The following ZBTB46 variants were observed in gnomAD, a reference collection of about 807,000 sequenced individuals.
The protein encoded by ZBTB46 is zinc finger and BTB domain containing 46.
In ZBTB46, 8 loss-of-function variants were observed where a neutral mutation model predicts 44.1. The observed-to-expected ratio is 0.18, with a 90% CI of 0.11 to 0.33. The LOEUF is 0.33. ZBTB46 is among the 10% of genes least tolerant of loss of function. The pLI is 1.00. For synonymous variants in ZBTB46, 409 were observed against 382.3 expected, an observed-to-expected ratio of 1.07 and a Z score of -0.81; for missense variants, 651 against 847.7, an observed-to-expected ratio of 0.77 and a Z score of 2.88.
At chr20:63,818,689 A>G (rs1313270866) in intron 1 of ZBTB46, among the ~76,000 whole-genome samples, 1 of 151,592 alleles carries the variant, frequency 6.6e-6, no homozygotes, top group African/African-American at 2.4e-5. Context: ...CCCCGTGTCT[A>G]TTAAAAAAAA....
intron 1 of ZBTB46, among the ~76,000 whole-genome samples, chr20:63,798,674 C>CAAAAAA (rs71197435): frequency 0.039 from 727 of 18,736 alleles, 194 homozygotes; most frequent in Middle Eastern, 0.17. Flanking sequence ...GACTCTGTCT[C>CAAAAAA]AAAAAAAAAA....
intron 1 of ZBTB46, among the ~76,000 whole-genome samples, chr20:63,823,857 C>T (rs1409460474): frequency 1.4e-5 from 1 of 72,206 alleles, no homozygotes; most frequent in Non-Finnish European, 2.8e-5. Context: ...CTCTAGGAAC[C>T]TTGTGTGTGT....
chr20:63,790,132 T>C lies in ZBTB46; in HGVS notation c.626A>G (p.Asp209Gly), dbSNP rs146183314. The C allele has an allele frequency of 4.8e-5, 78 of 1,614,004 alleles. No homozygotes were observed. The Admixed American group carries it at 6.0e-4, about 12-fold the overall frequency. ...CCATAGAGGCTGTGAAGAAACATCATCAGGGCCATCGGCCTTGGGCTCCTG... is the reference window on the plus strand; with the variant it reads ...CCATAGAGGCTGTGAAGAAACATCACCAGGGCCATCGGCCTTGGGCTCCTG... ...EDQEPKADGP[D>G]DVSSQPLWPG... Residue 209 changes from aspartate (D) to glycine (G), a missense_variant, in exon 2 of 5, where the codon GAT (aspartate) becomes GGT (glycine). Physicochemically the swap from Asp to Gly is moderately conservative, Grantham distance 94 (BLOSUM62 -1). Transcript: ENST00000245663.
chr20:63,758,645 C>T (rs796307220), intron 3 of ZBTB46, among the ~76,000 whole-genome samples: 49 of 152,200 alleles, frequency 3.2e-4, no homozygotes, highest in African/African-American at 9.9e-4. Context: ...TACTCACACA[C>T]GCACGCGCAC....
intron 1 of ZBTB46, chr20:63,807,968 C>T (rs2092692230): frequency 6.7e-6 from 1 of 149,938 alleles, no homozygotes; most frequent in African/African-American, 2.5e-5. Context: ...GAGACACTCA[C>T]GGAAGCTGAA....
intron 1 of ZBTB46, chr20:63,816,266 C>T (rs903715439): frequency 3.6e-5 from 8 of 222,068 alleles, no homozygotes; most frequent in Admixed American, 1.1e-4. Context: ...CACAAGCAGC[C>T]GCAACACTCA....
At chr20:63,761,160 G>A (rs1375062405) in intron 3 of ZBTB46, among the ~76,000 whole-genome samples, 25 of 149,330 alleles carry the variant, frequency 1.7e-4, no homozygotes, top group Admixed American at 1.6e-3. Flanking sequence ...CACCATACCC[G>A]GCTAATTTTT....
At chr20:63,815,759 G>C (rs1287161286) in intron 1 of ZBTB46, among the ~76,000 whole-genome samples, 8 of 149,922 alleles carry the variant, frequency 5.3e-5, no homozygotes, top group Admixed American at 1.3e-4. Flanking sequence ...AGGTGCAGTG[G>C]GTACAGGTGG....
At chr20:63,797,871 T>A (rs961819223) in intron 1 of ZBTB46, among the ~76,000 whole-genome samples, 1 of 152,222 alleles carries the variant, frequency 6.6e-6, no homozygotes, top group South Asian at 2.1e-4. Context: ...TCTTGTAAAG[T>A]TGTTTAAGTT....
At position 63,746,472 on chromosome 20, in the gene ZBTB46, A is replaced by C; in HGVS notation, c.*458T>G. On this transcript the variant is annotated 3_prime_UTR_variant, in exon 5 of 5. Transcript: ENST00000245663. Reference sequence around the variant, plus strand: ...AGCCACAGGCAGTGACCTGGCTGCTAGGGGAGGGGAGGGCGGGCTCCAGCC... The same window carrying C: ...AGCCACAGGCAGTGACCTGGCTGCTCGGGGAGGGGAGGGCGGGCTCCAGCC... The C allele has an allele frequency of 6.8e-6, 1 of 146,862 alleles. No individual in the cohort carries two copies. The highest frequency in any genetic ancestry group is 1.5e-5 in the Non-Finnish European group (1 of 68,150). 9.1% of individuals were successfully genotyped at this position (146,862 alleles called of 1,614,324 possible). A position where few individuals can be genotyped will look rare whatever the true frequency, so the allele number is the denominator to read the frequency against.
intron 4 of ZBTB46, among the ~76,000 whole-genome samples, chr20:63,750,059 G>A (rs902246703): frequency 1.3e-5 from 2 of 152,202 alleles, no homozygotes; most frequent in East Asian, 1.9e-4. Context: ...TTCCTGGAGC[G>A]GGTGGAGGGG....
intron 1 of ZBTB46, among the ~76,000 whole-genome samples, chr20:63,800,206 C>T (rs1049380984): frequency 2.6e-5 from 4 of 152,186 alleles, no homozygotes; most frequent in Admixed American, 1.3e-4. Flanking sequence ...CCACGCCACA[C>T]GGATTATCCC....
intron 2 of ZBTB46, among the ~76,000 whole-genome samples, chr20:63,785,247 A>G (rs2092505126): frequency 6.8e-6 from 1 of 146,650 alleles, no homozygotes; most frequent in African/African-American, 2.5e-5. Flanking sequence ...AAAGAAAAGA[A>G]AAGAAAAAGA....
Position 63,775,966 on chromosome 20 carries a change from G to C in ZBTB46, c.938-4C>G. On this transcript the variant is annotated splice_polypyrimidine_tract_variant and splice_region_variant and intron_variant, in intron 2 of 4. Coordinates refer to ENST00000245663, the MANE Select transcript of ZBTB46 (RefSeq NM_001369741.1). The stretch of plus-strand genomic sequence containing the variant: ...TCGGTGACGGACAGGTCCGCATCTG[G>C]GGACAGAGGGACACACGTCAGAAGA... 6.5e-7 allele frequency: 1 copy of C among 1,543,260 alleles called. No homozygotes were observed. Among genetic ancestry groups the C allele is most frequent in the Non-Finnish European group, 8.7e-7 (1 of 1,150,352 alleles).
At chr20:63,772,131 A>C (rs1282742444) in intron 3 of ZBTB46, among the ~76,000 whole-genome samples, 1 of 151,548 alleles carries the variant, frequency 6.6e-6, no homozygotes, top group African/African-American at 2.4e-5. Context: ...AGTAGCTGAG[A>C]TTACAGGTGC....
rs535019268 is a variant in ZBTB46, at chr20:63,801,360, T to C, written c.-33-10570A>G. Among the ~76,000 whole-genome samples the C allele has an allele frequency of 3.9e-5, 6 of 152,286 alleles. No homozygotes were observed. The South Asian group carries it at 6.2e-4, about 16-fold the overall frequency. ...AGAACTTTTGTGTCTAGCTCAAGGA[T>C]TGTCAACGCACCAATCAGCACCCTG... is the stretch of plus-strand genomic sequence containing the variant. On this transcript the variant is annotated intron_variant, in intron 1 of 4. Coordinates refer to ENST00000245663, the MANE Select transcript of ZBTB46 (RefSeq NM_001369741.1).
intron 1 of ZBTB46, among the ~76,000 whole-genome samples, chr20:63,816,873 G>C (rs764579439): frequency 7.2e-5 from 11 of 152,194 alleles, no homozygotes; most frequent in Non-Finnish European, 1.5e-4. Context: ...GGAAGGCTGA[G>C]GCGGGCAGAT....
At chr20:63,831,416 ACGCCGGCCCGGC>A (rs890528446), upstream of ZBTB46, among the ~76,000 whole-genome samples, 36 of 139,082 alleles carry the variant, frequency 2.6e-4, no homozygotes, top group African/African-American at 4.7e-4. Flanking sequence ...GGCCCCGCCC[ACGCCGGCCCGGC>A]CGCCGGCCCC....
chr20:63,765,051 GTGTATGTT>G (rs941895013), intron 3 of ZBTB46, among the ~76,000 whole-genome samples: 13 of 113,208 alleles, frequency 1.1e-4, no homozygotes, highest in East Asian at 4.5e-4. Flanking sequence ...GTGCGTGTGT[GTGTATGTT>G]TGTATGTGCA....
Sources: allele counts gnomAD v4.1 joint callset (sites outside exome capture counted in the v4.1 genomes callset), GRCh38; gene constraint gnomAD v4.1.1; transcripts MANE v1.5; gene names NCBI Gene and HGNC (gene_info 2026-07-23, HGNC 2026-07-21).